The following GRIN2B variants were observed in gnomAD, a reference collection of about 807,000 sequenced individuals.
GRIN2B encodes glutamate receptor ionotropic, NMDA 2B.
In GRIN2B, 5 loss-of-function variants were observed where a neutral mutation model predicts 114.5. The ratio of observed to expected loss-of-function variants is 0.04; its 90% CI spans 0.02 to 0.09. GRIN2B has a LOEUF of 0.09. GRIN2B is among the 10% of genes least tolerant of loss of function. The probability of loss-of-function intolerance (pLI) is 1.00; values close to 1 mark genes in which losing one functional copy is unlikely to be tolerated. For missense variants in GRIN2B, 1,108 were observed against 1,943.5 expected (o/e 0.57, Z 8.08); for synonymous variants, 787 against 745.1 (o/e 1.06, Z -0.92).
chr12:13,783,001 T>C (rs543106284), intron 3 of GRIN2B, among the ~76,000 whole-genome samples: 2 of 152,326 alleles, frequency 1.3e-5, no homozygotes, highest in Non-Finnish European at 2.9e-5. Context: ...AAAGTCACTG[T>C]CCTTCCCCCC....
chr12:13,684,923 G>C (rs538313042), intron 4 of GRIN2B, among the ~76,000 whole-genome samples: 1 of 152,198 alleles, frequency 6.6e-6, no homozygotes, highest in East Asian at 1.9e-4. Context: ...CTCACAGGCT[G>C]GAAAAACTAT....
At chr12:13,710,806 G>T (rs1950406886) in intron 4 of GRIN2B, among the ~76,000 whole-genome samples, 1 of 152,106 alleles carries the variant, frequency 6.6e-6, no homozygotes, top group Non-Finnish European at 1.5e-5. Context: ...ATTGCCCAAG[G>T]TAATTTATAG....
At chr12:13,801,772 C>A (rs1864518938) in intron 3 of GRIN2B, among the ~76,000 whole-genome samples, 1 of 152,140 alleles carries the variant, frequency 6.6e-6, no homozygotes, top group South Asian at 2.1e-4. Context: ...CTTTTGGAGA[C>A]CACTCAGCTC....
intron 3 of GRIN2B, among the ~76,000 whole-genome samples, chr12:13,754,850 C>T (rs1421185939): frequency 8.6e-5 from 13 of 150,998 alleles, no homozygotes; most frequent in Non-Finnish European, 1.5e-5. Context: ...CTGATTTCTC[C>T]TTCCTTTCCA....
intron 3 of GRIN2B, among the ~76,000 whole-genome samples, chr12:13,775,564 T>C (rs917383200): frequency 5.3e-5 from 8 of 152,208 alleles, no homozygotes; most frequent in Non-Finnish European, 1.0e-4. Flanking sequence ...AAGAAGAAGA[T>C]AGTTTCTTAG....
At chr12:13,797,549 C>T (rs1366385007) in intron 3 of GRIN2B, among the ~76,000 whole-genome samples, 1 of 152,086 alleles carries the variant, frequency 6.6e-6, no homozygotes, top group East Asian at 1.9e-4. Context: ...GTGGGTAGGA[C>T]CTGCTTTGCC....
At chr12:13,599,628 T>G (rs1313501992) in intron 10 of GRIN2B, among the ~76,000 whole-genome samples, 1 of 152,210 alleles carries the variant, frequency 6.6e-6, no homozygotes, top group Non-Finnish European at 1.5e-5. Flanking sequence ...ACATTGATAA[T>G]TTTTTTGTTA....
At chr12:13,911,805 G>A (rs1019492074) in intron 2 of GRIN2B, among the ~76,000 whole-genome samples, 6 of 152,038 alleles carry the variant, frequency 3.9e-5, no homozygotes, top group African/African-American at 1.4e-4. Flanking sequence ...TGCTCACTTC[G>A]GTCTCTTTCA....
chr12:13,683,805 C>T (rs1199398076), intron 4 of GRIN2B: 1 of 152,210 alleles, frequency 6.6e-6, no homozygotes, highest in Non-Finnish European at 1.5e-5. Context: ...TTAGAATTCT[C>T]CCTATCACAG....
rs534755305 is a variant in GRIN2B at position 13,545,582 on chromosome 12, A to G, written c.*17201T>C. On this transcript the variant is annotated 3_prime_UTR_variant, in exon 14 of 14. Coordinates refer to ENST00000609686, the MANE Select transcript of GRIN2B (RefSeq NM_000834.5). The stretch of plus-strand genomic sequence containing the variant: ...ACAACTCCTCCCCCAAAACCTGGAT[A>G]TTTATTCTAAGTGTTTCTAAATTTT... 3 of 152,316 alleles carry G rather than the reference A, an allele frequency of 2.0e-5. No individual in the cohort carries two copies. Among genetic ancestry groups the G allele is most frequent in the African/African-American group, 7.2e-5 (3 of 41,570 alleles). 9.4% of individuals were successfully genotyped at this position (152,316 alleles called of 1,614,324 possible).
chr12:13,943,614 CA>C (rs1867305244), intron 2 of GRIN2B, among the ~76,000 whole-genome samples: 1 of 152,118 alleles, frequency 6.6e-6, no homozygotes, highest in Admixed American at 6.5e-5. Context: ...CAAACATGTA[CA>C]TTTCTACTCC....
intron 3 of GRIN2B, among the ~76,000 whole-genome samples, chr12:13,846,587 C>A (rs1053822947): frequency 6.6e-6 from 1 of 152,162 alleles, no homozygotes; most frequent in Admixed American, 6.6e-5. Context: ...TCAGTCAGTG[C>A]TGTAGGATCT....
chr12:13,616,019 G>A (rs1949435017), intron 6 of GRIN2B, among the ~76,000 whole-genome samples: 1 of 152,094 alleles, frequency 6.6e-6, no homozygotes, highest in African/African-American at 2.4e-5. Flanking sequence ...TACCAGAGAG[G>A]CCTCTTGTTT....
rs1948341302 is a variant in GRIN2B at position 13,546,300 on chromosome 12, T to G, written c.*16483A>C. On this transcript the variant is annotated 3_prime_UTR_variant, in exon 14 of 14. Transcript: ENST00000609686. ...CTGCCCTAAAGGTTTGTAGACAAGGTTTTGAAGAATCGAGCTACAATGCTT... is the reference window on the plus strand; with the variant it reads ...CTGCCCTAAAGGTTTGTAGACAAGGGTTTGAAGAATCGAGCTACAATGCTT... The G allele has an allele frequency of 6.6e-6, 1 of 152,150 alleles. No homozygotes were observed. Among genetic ancestry groups the G allele is most frequent in the South Asian group, 2.1e-4 (1 of 4,826 alleles). The allele number at this position is 152,150 out of a possible 1,614,324, so 9.4% of individuals were successfully genotyped here. A position where few individuals can be genotyped will look rare whatever the true frequency, so the allele number is the denominator to read the frequency against.
intron 5 of GRIN2B, among the ~76,000 whole-genome samples, chr12:13,639,540 C>A (rs768555158): frequency 6.6e-6 from 1 of 152,116 alleles, no homozygotes; most frequent in Non-Finnish European, 1.5e-5. Flanking sequence ...TAATCATTCT[C>A]TTGATTTCCA....
chr12:13,589,772 T>C (rs1215993761), intron 10 of GRIN2B, among the ~76,000 whole-genome samples: 1 of 152,128 alleles, frequency 6.6e-6, no homozygotes, highest in African/African-American at 2.4e-5. Flanking sequence ...AAAAACCCTA[T>C]GTGGTATAGA....
At chr12:13,834,228 G>T (rs1160849446) in intron 3 of GRIN2B, among the ~76,000 whole-genome samples, 3 of 125,402 alleles carry the variant, frequency 2.4e-5, no homozygotes, top group African/African-American at 9.3e-5. Flanking sequence ...TAGTAGAGAT[G>T]GGGTTTCACC....
intron 4 of GRIN2B, among the ~76,000 whole-genome samples, chr12:13,740,876 A>C (rs1021990864): frequency 4.6e-5 from 7 of 152,182 alleles, no homozygotes; most frequent in African/African-American, 1.7e-4. Flanking sequence ...ACCAGCAAGT[A>C]GAGATGGGCA....
chr12:13,546,126 A>C lies in GRIN2B; in HGVS notation c.*16657T>G, dbSNP rs1175282985. 6.6e-6 allele frequency: 1 copy of C among 152,172 alleles called. No homozygotes were observed. Among genetic ancestry groups the C allele is most frequent in the Non-Finnish European group, 1.5e-5 (1 of 68,028 alleles). 9.4% of individuals were successfully genotyped at this position (152,172 alleles called of 1,614,324 possible). On this transcript the variant is annotated 3_prime_UTR_variant, in exon 14 of 14. Coordinates refer to ENST00000609686, the MANE Select transcript of GRIN2B (RefSeq NM_000834.5). Reference sequence around the variant, plus strand: ...ATCCAAAATCATTCCAATATTGAAAAAAAAAGGTTCAGCTAACTCCATTCC... The same window carrying C: ...ATCCAAAATCATTCCAATATTGAAACAAAAAGGTTCAGCTAACTCCATTCC...
Sources: gnomAD v4.1 joint callset for allele counts (sites outside exome capture counted in the v4.1 genomes callset) on GRCh38, gnomAD v4.1.1 for gene constraint, MANE v1.5 for transcripts, NCBI Gene and HGNC (gene_info 2026-07-23, HGNC 2026-07-21) for gene names.